RFX2: variants seen among roughly 807,000 people sequenced by gnomAD.
RFX2 encodes regulatory factor X2.
RFX2 carries 20 observed loss-of-function variants against 87.8 expected under a neutral mutation model. The observed-to-expected ratio is 0.23, with a 90% CI of 0.16 to 0.33. The LOEUF (loss-of-function observed/expected upper bound fraction) is 0.33, where lower values mean the gene tolerates loss of function less well. Among genes scored for constraint, RFX2 ranks in the 10% least tolerant of loss-of-function variants. The pLI is 1.00. For missense variants in RFX2, 767 were observed against 1,012.3 expected, an observed-to-expected ratio of 0.76 and a Z score of 3.29; for synonymous variants, 397 against 431.3, an observed-to-expected ratio of 0.92 and a Z score of 0.98.
chr19:5,994,843 C>A lies in RFX2; in HGVS notation c.2164G>T (p.Gly722Cys). 6.2e-7 allele frequency: 1 copy of A among 1,608,166 alleles called. No homozygotes were observed. Among genetic ancestry groups the A allele is most frequent in the Non-Finnish European group, 8.5e-7 (1 of 1,178,298 alleles). ...ERSDPNHSLQ[G>C]I Reference sequence around the variant, plus strand: ...GGCGCCGGCCGGGGCTGCTAGATGCCCTGCAGGGAGTGGTTGGGGTCACTG... The same window carrying A: ...GGCGCCGGCCGGGGCTGCTAGATGCACTGCAGGGAGTGGTTGGGGTCACTG... The change falls in exon 18 of 18, where the codon GGC (glycine) becomes TGC (cysteine). Residue 722 changes from glycine (G) to cysteine (C), a missense_variant. Gly to Cys is a radical substitution (Grantham distance 159, BLOSUM62 -3). Coordinates refer to ENST00000303657, the MANE Select transcript of RFX2 (RefSeq NM_000635.4).
intron 1 of RFX2, among the ~76,000 whole-genome samples, chr19:6,097,963 T>G (rs1403990829): frequency 2.0e-5 from 3 of 152,206 alleles, no homozygotes; most frequent in Non-Finnish European, 4.4e-5. Context: ...GAGGGCTGCT[T>G]TTTTTGCCCA....
intron 1 of RFX2, among the ~76,000 whole-genome samples, chr19:6,098,006 C>T (rs190770457): frequency 7.9e-5 from 12 of 152,276 alleles, no homozygotes; most frequent in Non-Finnish European, 1.8e-4. Flanking sequence ...GTAACACTCT[C>T]TGCTGTTCTT....
rs1024422263 is a variant in RFX2 at position 6,017,784 on chromosome 19, C to A, written c.598-1513G>T. Among the ~76,000 whole-genome samples, 1 of 151,980 alleles carries A rather than the reference C, an allele frequency of 6.6e-6. No homozygotes were observed. The highest frequency in any genetic ancestry group is 1.9e-4 in the East Asian group (1 of 5,142). ...CTGCACAGCCCTTGGCCTGGGAAGC[C>A]CTTGTCCCTGTGCCCCGCACACCCC... On this transcript the variant is annotated intron_variant, in intron 6 of 17. Coordinates refer to ENST00000303657, the MANE Select transcript of RFX2 (RefSeq NM_000635.4). This position sits in a 1 kb window ranked among gnomAD's most constrained non-coding sequence, Gnocchi z 4.1.
rs905826634 is a variant in RFX2 at position 6,013,428 on chromosome 19, C to T, written c.780-323G>A. Among the ~76,000 whole-genome samples, 15 of 151,886 alleles carry T rather than the reference C, an allele frequency of 9.9e-5. No individual in the cohort carries two copies. The highest frequency in any genetic ancestry group is 3.9e-4 in the Admixed American group (6 of 15,254). ...CTCAAACTCCTGGGCTCAAGTGATCCTCCTGCCTTGGCCTCCCAAAGTGCT... is the reference window on the plus strand; with the variant it reads ...CTCAAACTCCTGGGCTCAAGTGATCTTCCTGCCTTGGCCTCCCAAAGTGCT... On this transcript the variant is annotated intron_variant, in intron 7 of 17. Coordinates refer to ENST00000303657, the MANE Select transcript of RFX2 (RefSeq NM_000635.4). The surrounding 1 kb of genome is among the most constrained non-coding windows in gnomAD (Gnocchi z 4.1).
chr19:6,015,960 T>A, intron 7 of RFX2, 130 bp downstream of exon 7: 2 of 796,530 alleles, frequency 2.5e-6, no homozygotes. Context: ...TGAAAGTAAC[T>A]GCAAGCACTC....
chr19:6,025,632 G>A (rs2086877613), intron 6 of RFX2, among the ~76,000 whole-genome samples: 3 of 152,080 alleles, frequency 2.0e-5, no homozygotes, highest in Admixed American at 1.3e-4. Context: ...GGTAGGTGTT[G>A]TTATTATCTA....
chr19:6,108,909 G>A (rs116142891), intron 1 of RFX2, among the ~76,000 whole-genome samples: 2,310 of 152,204 alleles, frequency 0.015, 46 homozygotes, highest in African/African-American at 0.052. Context: ...CAGCGGTGCA[G>A]CGAGGAAAAC....
At chr19:6,009,988 C>T (rs2086638856) in intron 9 of RFX2, 148 bp downstream of exon 9, 5 of 506,002 alleles carry the variant, frequency 9.9e-6, no homozygotes, top group East Asian at 2.9e-5. Context: ...GAAGGTTTAT[C>T]GAAAACTTTC....
chr19:6,082,856 C>T (rs1362374690), intron 1 of RFX2, among the ~76,000 whole-genome samples: 1 of 152,158 alleles, frequency 6.6e-6, no homozygotes, highest in Admixed American at 6.5e-5. Flanking sequence ...CAGAGCCATG[C>T]TAGAGCCTGG....
At chr19:6,066,502 G>A (rs1045824535) in intron 1 of RFX2, among the ~76,000 whole-genome samples, 5 of 152,144 alleles carry the variant, frequency 3.3e-5, no homozygotes, top group African/African-American at 1.2e-4. Context: ...TGAACACCAG[G>A]AATTAGATCA....
rs997729998 is a variant in RFX2, at chr19:6,020,734, G to A, written c.598-4463C>T. ...ATGCCAGGAAAGGCAGCAGCTGGAC[G>A]GAGTCACCTTTCTGGTTTGGGCATG... On this transcript the variant is annotated intron_variant, in intron 6 of 17. Transcript: ENST00000303657. This position sits in a 1 kb window ranked among gnomAD's most constrained non-coding sequence, Gnocchi z 5.3. Among the ~76,000 whole-genome samples, 2 of 152,206 alleles carry A rather than the reference G, an allele frequency of 1.3e-5. No homozygotes were observed. Among genetic ancestry groups the A allele is most frequent in the Non-Finnish European group, 2.9e-5 (2 of 68,038 alleles).
chr19:6,028,811 A>T (rs2086920980), intron 5 of RFX2, among the ~76,000 whole-genome samples: 1 of 152,206 alleles, frequency 6.6e-6, no homozygotes. Flanking sequence ...ACGGTGGCTC[A>T]CGCCTATAAT....
In RFX2 at chr19:6,001,200, T is replaced by G. The variant is rs1270819338; in HGVS notation, c.1859+615A>C. ...TTCTCTCTGGAAGCTTTTATGGTTG[T>G]TTCTCAAACTTGGTGTTTCGATATT... On this transcript the variant is annotated intron_variant, in intron 15 of 17. Coordinates refer to ENST00000303657, the MANE Select transcript of RFX2 (RefSeq NM_000635.4). This position sits in a 1 kb window ranked among gnomAD's most constrained non-coding sequence, Gnocchi z 5.6. Among the ~76,000 whole-genome samples, 2 of 152,264 alleles carry G rather than the reference T, an allele frequency of 1.3e-5. No individual in the cohort carries two copies. Among genetic ancestry groups the G allele is most frequent in the Non-Finnish European group, 2.9e-5 (2 of 68,048 alleles).
intron 1 of RFX2, among the ~76,000 whole-genome samples, chr19:6,093,193 A>G (rs1423616316): frequency 6.6e-6 from 1 of 152,212 alleles, no homozygotes; most frequent in Non-Finnish European, 1.5e-5. Context: ...ACGGGTGCTT[A>G]CTGCAGCATT....
chr19:6,000,638 C>T (rs547839074), intron 15 of RFX2, among the ~76,000 whole-genome samples: 2 of 152,374 alleles, frequency 1.3e-5, no homozygotes, highest in South Asian at 4.1e-4. Flanking sequence ...CACATGCTCT[C>T]TTGCCTGCCG....
intron 1 of RFX2, among the ~76,000 whole-genome samples, chr19:6,080,532 T>C (rs757446651): frequency 5.8e-4 from 88 of 152,050 alleles, no homozygotes; most frequent in Non-Finnish European, 5.9e-4. Context: ...TGCAGAGGGA[T>C]AGAGCCAGGG....
chr19:6,026,597 CA>C lies in RFX2; in HGVS notation c.523-361del. 3 of 295,720 alleles carry C rather than the reference CA, an allele frequency of 1.0e-5. No individual in the cohort carries two copies. Among genetic ancestry groups the C allele is most frequent in the South Asian group, 3.2e-5 (1 of 31,368 alleles). 18.3% of individuals were successfully genotyped at this position (295,720 alleles called of 1,614,324 possible). A position where few individuals can be genotyped will look rare whatever the true frequency, so the allele number is the denominator to read the frequency against. On this transcript the variant is annotated intron_variant, in intron 5 of 17. Coordinates refer to ENST00000303657, the MANE Select transcript of RFX2 (RefSeq NM_000635.4). The surrounding 1 kb of genome is among the most constrained non-coding windows in gnomAD (Gnocchi z 4.5). ...ATTCCAGTGTCAGCCAAGCCAGCAT[CA>C]TAGTCACCTGCTCCTTTCCCCACGC...
chr19:6,082,905 T>C (rs558926203), intron 1 of RFX2, among the ~76,000 whole-genome samples: 2 of 152,320 alleles, frequency 1.3e-5, no homozygotes, highest in South Asian at 4.1e-4. Flanking sequence ...TGATCCTGTC[T>C]TTATGTAAAA....
At position 6,014,804 on chromosome 19, in the gene RFX2, T is replaced by C. The variant is rs573800481; in HGVS notation, c.779+1286A>G. On this transcript the variant is annotated intron_variant, in intron 7 of 17. Transcript: ENST00000303657. ...CCCTAAGGACATTCCCTGTGAAGGA[T>C]GAAAAAGTGTCAGAGAATAAGGGAC... Among the ~76,000 whole-genome samples the C allele has an allele frequency of 6.6e-5, 10 of 152,214 alleles. No individual in the cohort carries two copies. In the South Asian group the frequency reaches 2.1e-3, roughly 32 times the overall value.
Sources: gnomAD v4.1 joint callset for allele counts (sites outside exome capture counted in the v4.1 genomes callset) on GRCh38, gnomAD v4.1.1 for gene constraint, Gnocchi (gnomAD v3.1) non-coding constraint, MANE v1.5 for transcripts, NCBI Gene and HGNC (gene_info 2026-07-23, HGNC 2026-07-21) for gene names.